Variants in MAU2 observed in about 807,000 individuals in gnomAD.
MAU2 encodes the protein MAU2 sister chromatid cohesion factor, also known as MAU2 chromatid cohesion factor homolog.
Under a neutral mutation model 89.1 loss-of-function variants are expected in MAU2, and 9 were observed. The observed-to-expected ratio is 0.10, with a 90% confidence interval of 0.06 to 0.18. MAU2 has a LOEUF of 0.18. Ranked by LOEUF, MAU2 falls within the 10% of genes least tolerant of loss-of-function variation. The pLI, the probability that MAU2 is intolerant of heterozygous loss-of-function variation, is 1.00. For missense variants in MAU2, 425 were observed against 803.5 expected (o/e 0.53, Z 5.69); for synonymous variants, 357 against 343.4 (o/e 1.04, Z -0.44).
chr19:19,329,760 C>T (rs2061539690), intron 1 of MAU2, among the ~76,000 whole-genome samples: 1 of 151,088 alleles, frequency 6.6e-6, no homozygotes. Context: ...GAGTTTGAGA[C>T]CAGCCTGGGC....
intron 9 of MAU2, 99 bp downstream of exon 9, chr19:19,342,965 C>T (rs1032039137): frequency 6.2e-6 from 8 of 1,296,714 alleles, no homozygotes; most frequent in Admixed American, 3.4e-5. Context: ...CCTGTGTGAC[C>T]GCAGCGCCCA....
intron 13 of MAU2, 21 bp from the exon 14 acceptor site, chr19:19,348,868 G>A (rs1325054593): frequency 6.2e-7 from 1 of 1,613,862 alleles, no homozygotes; most frequent in Non-Finnish European, 8.5e-7. Flanking sequence ...GAATGGTGCT[G>A]ACTGGCTCTT....
chr19:19,328,513 C>T (rs962909584), intron 1 of MAU2, among the ~76,000 whole-genome samples: 1 of 151,978 alleles, frequency 6.6e-6, no homozygotes, highest in East Asian at 1.9e-4. Context: ...GCTCCGTCTC[C>T]CGGGTTCATG....
At chr19:19,346,995 G>C (rs2061698403) in intron 12 of MAU2, 1 of 393,438 alleles carries the variant, frequency 2.5e-6, no homozygotes, top group African/African-American at 2.1e-5. Flanking sequence ...CTGAGAGACA[G>C]TGGAAAATGG....
chr19:19,350,033 G>A (rs553316772), intron 16 of MAU2, among the ~76,000 whole-genome samples: 9 of 139,252 alleles, frequency 6.5e-5, no homozygotes, highest in South Asian at 2.2e-4. Flanking sequence ...AATGGCTCAC[G>A]CCTGTAATCC....
chr19:19,341,110 C>T (rs1170506558), intron 6 of MAU2, 142 bp from the exon 7 acceptor site: 2 of 1,086,610 alleles, frequency 1.8e-6, no homozygotes, highest in Admixed American at 2.6e-5. Context: ...TAGGAGCTGC[C>T]TGGGCTGGGG....
At chr19:19,331,314 A>G (rs1348464714) in intron 1 of MAU2, among the ~76,000 whole-genome samples, 1 of 152,232 alleles carries the variant, frequency 6.6e-6, no homozygotes, top group Non-Finnish European at 1.5e-5. Context: ...CCTGGCTAAC[A>G]TGGTGAAACC....
chr19:19,325,639 C>G (rs2078681172), intron 1 of MAU2, among the ~76,000 whole-genome samples: 2 of 152,004 alleles, frequency 1.3e-5, no homozygotes, highest in Admixed American at 6.6e-5. Context: ...GCCACCATGC[C>G]CAGCTAATTT....
intron 1 of MAU2, among the ~76,000 whole-genome samples, chr19:19,322,998 C>T (rs1222813321): frequency 1.3e-5 from 2 of 152,122 alleles, no homozygotes; most frequent in South Asian, 2.1e-4. Context: ...TCAAGTGATT[C>T]TCCTGCCTCA....
chr19:19,340,152 G>A (rs1160480320), intron 5 of MAU2, among the ~76,000 whole-genome samples: 3 of 144,728 alleles, frequency 2.1e-5, no homozygotes, highest in South Asian at 2.2e-4. Context: ...GCGACAGAGC[G>A]AGACTCCATC....
intron 1 of MAU2, chr19:19,334,642 G>A (rs969267783): frequency 2.0e-6 from 2 of 977,832 alleles, no homozygotes; most frequent in African/African-American, 3.5e-5. Context: ...CAGCTTCCAG[G>A]GGTGACACCA....
intron 13 of MAU2, 165 bp from the exon 14 acceptor site, chr19:19,348,724 G>A (rs550141290): frequency 2.7e-5 from 20 of 751,128 alleles, no homozygotes; most frequent in Middle Eastern, 2.3e-4. Flanking sequence ...TCTTGCCCCC[G>A]GCCCTTCTCA....
intron 16 of MAU2, among the ~76,000 whole-genome samples, chr19:19,351,837 A>ATTTTT (rs35932608): frequency 5.1e-5 from 3 of 58,952 alleles, no homozygotes; most frequent in African/African-American, 6.7e-5. Context: ...CTGTTTGGTA[A>ATTTTT]TTTTTTTTTT....
chr19:19,344,548 C>G (rs988352338), intron 10 of MAU2: 4 of 495,178 alleles, frequency 8.1e-6, no homozygotes, highest in Non-Finnish European at 1.5e-5. Context: ...TAGGAACACT[C>G]TACCCCCAGT....
intron 1 of MAU2, 96 bp downstream of exon 1, chr19:19,321,231 G>T (rs2061451775): frequency 1.5e-6 from 2 of 1,341,046 alleles, no homozygotes; most frequent in East Asian, 2.9e-5. Flanking sequence ...GCCGCTCCTC[G>T]GCGACCTGGG....
Position 19,325,859 on chromosome 19 carries a change from C to T in MAU2, c.276+4724C>T, listed in dbSNP as rs2061499767. Reference sequence around the variant, plus strand: ...CTATTATTGGCCCCTGAACTCAGTGCTACATCCAGCTTTCCTATTGTTTTC... The same window carrying T: ...CTATTATTGGCCCCTGAACTCAGTGTTACATCCAGCTTTCCTATTGTTTTC... On this transcript the variant is annotated intron_variant, in intron 1 of 18. Transcript: ENST00000262815. Among the ~76,000 whole-genome samples the T allele has an allele frequency of 2.6e-5, 4 of 152,200 alleles. No individual in the cohort carries two copies. The South Asian group carries it at 8.3e-4, about 32-fold the overall frequency.
chr19:19,341,177 G>A, intron 6 of MAU2, 75 bp from the exon 7 acceptor site: 2 of 1,522,054 alleles, frequency 1.3e-6, no homozygotes, highest in Non-Finnish European at 8.9e-7. Flanking sequence ...CAGGTGGGCA[G>A]GTGACCCTGT....
chr19:19,328,259 T>G (rs1236211198), intron 1 of MAU2, among the ~76,000 whole-genome samples: 1 of 152,092 alleles, frequency 6.6e-6, no homozygotes, highest in Non-Finnish European at 1.5e-5. Context: ...CTCTTCTTGC[T>G]GTACACCCAT....
chr19:19,351,468 A>G (rs2061743750), intron 16 of MAU2, among the ~76,000 whole-genome samples: 1 of 97,028 alleles, frequency 1.0e-5, no homozygotes, highest in African/African-American at 4.1e-5. Context: ...GCAGGAATTC[A>G]ATATCAGCCT....
Sources: allele counts gnomAD v4.1 joint callset (sites outside exome capture counted in the v4.1 genomes callset), GRCh38; gene constraint gnomAD v4.1.1; transcripts MANE v1.5; gene names NCBI Gene and HGNC (gene_info 2026-07-23, HGNC 2026-07-21).